DLGAP2: variants seen among roughly 807,000 people sequenced by gnomAD.
DLGAP2 encodes the protein DLG associated protein 2.
In DLGAP2, 26 loss-of-function variants were observed where a neutral mutation model predicts 100.3. The observed-to-expected ratio is 0.26, with a 90% CI of 0.19 to 0.36. The LOEUF is 0.36. Ranked by LOEUF, DLGAP2 falls within the 10% of genes least tolerant of loss-of-function variation. DLGAP2 has a pLI of 1.00. For synonymous variants in DLGAP2, 886 were observed against 630.1 expected, an observed-to-expected ratio of 1.41 and a Z score of -6.08; for missense variants, 1,858 against 1,453.2, an observed-to-expected ratio of 1.28 and a Z score of -4.53.
intron 6 of DLGAP2, among the ~76,000 whole-genome samples, chr8:1,595,044 TC>T (rs1796407955): frequency 6.6e-6 from 1 of 151,902 alleles, no homozygotes; most frequent in Non-Finnish European, 1.5e-5. Flanking sequence ...TCTTTTTTTT[TC>T]TTTTTTTCTT....
At chr8:940,859 G>A (rs1351620767) in intron 2 of DLGAP2, among the ~76,000 whole-genome samples, 1 of 152,184 alleles carries the variant, frequency 6.6e-6, no homozygotes, top group Non-Finnish European at 1.5e-5. Flanking sequence ...TCTGGGAGGA[G>A]GGGAGGAGGC....
At chr8:1,004,780 C>T (rs182604844) in intron 2 of DLGAP2, among the ~76,000 whole-genome samples, 2 of 152,342 alleles carry the variant, frequency 1.3e-5, no homozygotes, top group East Asian at 1.9e-4. Flanking sequence ...GCGCTCTGCC[C>T]TTGGTGGAGA....
intron 1 of DLGAP2, among the ~76,000 whole-genome samples, chr8:860,357 C>G (rs77241995): frequency 0.033 from 5,079 of 152,340 alleles, 142 homozygotes; most frequent in Non-Finnish European, 0.046. Flanking sequence ...AGCAGAGCTT[C>G]TGACCTGTTT....
At chr8:1,002,101 C>G (rs1019022151) in intron 2 of DLGAP2, 4 of 152,202 alleles carry the variant, frequency 2.6e-5, no homozygotes, top group Admixed American at 6.5e-5. Flanking sequence ...TGATGCCTAT[C>G]CCTTTCCGCA....
At chr8:1,138,984 G>T (rs771858497) in intron 2 of DLGAP2, among the ~76,000 whole-genome samples, 1 of 152,210 alleles carries the variant, frequency 6.6e-6, no homozygotes, top group Admixed American at 6.5e-5. Flanking sequence ...TGGCCTGTGC[G>T]GCTGGTGGGA....
At chr8:896,643 G>A (rs966358126) in intron 1 of DLGAP2, among the ~76,000 whole-genome samples, 1 of 152,074 alleles carries the variant, frequency 6.6e-6, no homozygotes, top group African/African-American at 2.4e-5. Context: ...TCGTGCCCTT[G>A]TAGGAAGAGG....
chr8:892,374 G>C (rs903637027), intron 1 of DLGAP2, among the ~76,000 whole-genome samples: 1 of 152,164 alleles, frequency 6.6e-6, no homozygotes, highest in Non-Finnish European at 1.5e-5. Flanking sequence ...GCCTCAAAGA[G>C]GAACGAAATC....
chr8:1,219,402 T>A (rs541166090), intron 2 of DLGAP2, among the ~76,000 whole-genome samples: 239 of 152,338 alleles, frequency 1.6e-3, no homozygotes, highest in Non-Finnish European at 2.4e-3. Flanking sequence ...TAGTTATGAT[T>A]ATGTGATGAA....
At chr8:776,599 C>T (rs970278403) in intron 1 of DLGAP2, among the ~76,000 whole-genome samples, 3 of 152,268 alleles carry the variant, frequency 2.0e-5, no homozygotes, top group Middle Eastern at 3.4e-3. Flanking sequence ...GCCTTCATTT[C>T]GTTATGTACC....
chr8:1,301,411 G>A (rs1172185690), intron 3 of DLGAP2: 1 of 152,036 alleles, frequency 6.6e-6, no homozygotes, highest in African/African-American at 2.4e-5. Context: ...CAACTGATGG[G>A]CTTTGAGATT....
intron 1 of DLGAP2, among the ~76,000 whole-genome samples, chr8:808,785 G>A (rs1276337654): frequency 1.3e-5 from 2 of 152,160 alleles, no homozygotes; most frequent in Non-Finnish European, 2.9e-5. Flanking sequence ...TAAGCAGTGT[G>A]CTAACACTTT....
rs1453249887 is a variant in DLGAP2, at chr8:1,317,222, A to G, written c.106+58339A>G. On this transcript the variant is annotated intron_variant, in intron 3 of 14. Transcript: ENST00000637795. The stretch of plus-strand genomic sequence containing the variant: ...TCCAACAGTGGTCTACACTCGAGAC[A>G]CTCGGCAGCGTTTAAAAATAGAGCG... Among the ~76,000 whole-genome samples, 7 of 136,220 alleles carry G rather than the reference A, an allele frequency of 5.1e-5. No homozygotes were observed. In the Admixed American group the frequency reaches 5.2e-4, roughly 10 times the overall value. The allele number at this position is 136,220 out of a possible 152,430, so 89.4% of individuals were successfully genotyped here. A position where few individuals can be genotyped will look rare whatever the true frequency, so the allele number is the denominator to read the frequency against.
chr8:1,558,581 C>A (rs1282082181), intron 5 of DLGAP2, among the ~76,000 whole-genome samples: 2 of 151,802 alleles, frequency 1.3e-5, no homozygotes, highest in African/African-American at 4.8e-5. Flanking sequence ...CACATACACA[C>A]ATAGGCATGC....
intron 1 of DLGAP2, among the ~76,000 whole-genome samples, chr8:763,518 A>G (rs749860302): frequency 1.3e-5 from 2 of 152,238 alleles, no homozygotes; most frequent in Non-Finnish European, 2.9e-5. Flanking sequence ...TTCTAAGACC[A>G]TTCCTCATAG....
At chr8:1,535,476 C>T (rs145576305) in intron 4 of DLGAP2, among the ~76,000 whole-genome samples, 1 of 152,338 alleles carries the variant, frequency 6.6e-6, no homozygotes, top group Non-Finnish European at 1.5e-5. Flanking sequence ...TGTCGACACA[C>T]ATGTTGTTCA....
chr8:1,001,583 A>G (rs1046057506), intron 2 of DLGAP2, among the ~76,000 whole-genome samples: 2 of 152,228 alleles, frequency 1.3e-5, no homozygotes, highest in African/African-American at 2.4e-5. Context: ...ATGATTGGAA[A>G]AAACCGAATT....
At position 1,203,983 on chromosome 8, in the gene DLGAP2, T is replaced by C. The variant is rs181102977; in HGVS notation, c.74-54868T>C. 2.0e-4 allele frequency among the ~76,000 whole-genome samples: 30 copies of C among 152,360 alleles called. No homozygotes were observed. In the East Asian group the frequency reaches 2.3e-3, roughly 12 times the overall value. On this transcript the variant is annotated intron_variant, in intron 2 of 14. Transcript: ENST00000637795. ...ATAGGTCACTTCCAAAAAGGCGTTCTTTTGAACTAAGCATGTAGGGTAAAG... is the reference window on the plus strand; with the variant it reads ...ATAGGTCACTTCCAAAAAGGCGTTCCTTTGAACTAAGCATGTAGGGTAAAG...
intron 2 of DLGAP2, among the ~76,000 whole-genome samples, chr8:1,166,116 C>T (rs938801615): frequency 2.0e-5 from 3 of 152,242 alleles, no homozygotes; most frequent in African/African-American, 4.8e-5. Flanking sequence ...ACCTTAGCTA[C>T]TCCGTGCCAG....
intron 1 of DLGAP2, among the ~76,000 whole-genome samples, chr8:855,184 A>G (rs1797253862): frequency 6.6e-6 from 1 of 152,056 alleles, no homozygotes; most frequent in African/African-American, 2.4e-5. Flanking sequence ...TTAGGAGAAG[A>G]CACCTGCAGG....
Sources: allele counts gnomAD v4.1 joint callset (sites outside exome capture counted in the v4.1 genomes callset), GRCh38; gene constraint gnomAD v4.1.1; transcripts MANE v1.5; gene names NCBI Gene and HGNC (gene_info 2026-07-23, HGNC 2026-07-21).